Variants in RFX7 observed in about 807,000 individuals in gnomAD.
RFX7 encodes the protein regulatory factor X7.
A neutral mutation model predicts 111.8 loss-of-function variants in RFX7; 26 were observed. The ratio of observed to expected loss-of-function variants is 0.23; its 90% CI spans 0.17 to 0.32. The LOEUF (loss-of-function observed/expected upper bound fraction) is 0.32. RFX7 is among the 10% of genes least tolerant of loss of function. The probability of loss-of-function intolerance (pLI) is 1.00; values close to 1 mark genes in which losing one functional copy is unlikely to be tolerated. For missense variants in RFX7, 1,573 were observed against 1,772.9 expected (o/e 0.89, Z 2.02); for synonymous variants, 624 against 624.4 (o/e 1.00, Z 0.01).
At chr15:56,230,492 T>C (rs1567054353) in intron 2 of RFX7, among the ~76,000 whole-genome samples, 3 of 152,202 alleles carry the variant, frequency 2.0e-5, no homozygotes, top group Non-Finnish European at 4.4e-5. Flanking sequence ...GGGAGAAAAT[T>C]ACCACATTAT....
intron 3 of RFX7, among the ~76,000 whole-genome samples, chr15:56,170,803 G>C (rs1167772117): frequency 1.3e-5 from 2 of 152,160 alleles, no homozygotes; most frequent in Non-Finnish European, 2.9e-5. Context: ...ACCACAGAAA[G>C]TTCCATGGAT....
At chr15:56,182,682 CATTTT>C (rs2042987958) in intron 2 of RFX7, among the ~76,000 whole-genome samples, 2 of 152,214 alleles carry the variant, frequency 1.3e-5, no homozygotes, top group East Asian at 3.9e-4. Context: ...GAAATTCATT[CATTTT>C]AACTACTAAA....
chr15:56,142,875 G>T lies in RFX7; in HGVS notation c.304C>A (p.Arg102=). ...GAAAAGGCATGCATTTGTTGTGCCCGACTAGATGACATGGCATTCTGATCA... is the reference window on the plus strand; with the variant it reads ...GAAAAGGCATGCATTTGTTGTGCCCTACTAGATGACATGGCATTCTGATCA... ...KSDQNAMSSS[R]AQQMHAFSWI... The change falls in exon 5 of 10, where the codon CGG becomes AGG. Residue 102 remains arginine, a synonymous_variant. Transcript: ENST00000559447. The T allele has an allele frequency of 6.2e-7, 1 of 1,613,490 alleles. No homozygotes were observed. Among genetic ancestry groups the T allele is most frequent in the Non-Finnish European group, 8.5e-7 (1 of 1,179,702 alleles).
intron 5 of RFX7, among the ~76,000 whole-genome samples, chr15:56,122,566 G>A (rs1284424980): frequency 2.6e-5 from 4 of 152,150 alleles, no homozygotes; most frequent in Non-Finnish European, 2.9e-5. Context: ...AAGCCCTAGG[G>A]CTCTACAATC....
intron 5 of RFX7, among the ~76,000 whole-genome samples, chr15:56,132,097 C>A (rs1390830358): frequency 6.6e-6 from 1 of 151,916 alleles, no homozygotes; most frequent in South Asian, 2.1e-4. Context: ...TAATGAAGGG[C>A]ATGAAAGAAA....
Position 56,098,263 on chromosome 15 carries a change from G to A in RFX7, c.925C>T (p.Arg309Trp), listed in dbSNP as rs753217039. ...TCTTGCTGCTTCTTCTGGATTTTCC[G>A]TTGCAACTGCTGTTTAGCATCAATT... ...SPIDAKQQLQRKIQKKQQEQK... is the reference protein window; with the variant it reads ...SPIDAKQQLQWKIQKKQQEQK... The change falls in exon 9 of 10, where the codon CGG (arginine) becomes TGG (tryptophan). Residue 309 changes from arginine (R) to tryptophan (W), a missense_variant. By Grantham distance (101) the Arg-to-Trp change is moderately radical. Around this residue, in one of 7 missense-constraint regions of RFX7, gnomAD observed 288 missense variants for 337.9 expected, o/e 0.85. Coordinates refer to ENST00000559447, the MANE Select transcript of RFX7 (RefSeq NM_022841.7). The A allele has an allele frequency of 4.6e-5, 75 of 1,613,892 alleles. No homozygotes were observed. In the East Asian group the frequency reaches 5.8e-4, roughly 12 times the overall value.
chr15:56,154,697 A>G (rs1158368619), intron 3 of RFX7, among the ~76,000 whole-genome samples: 18 of 132,544 alleles, frequency 1.4e-4, no homozygotes, highest in African/African-American at 4.3e-4. Flanking sequence ...AACCTGGGCA[A>G]TAGTATTCAG....
chr15:56,229,834 C>G (rs1292461956), intron 2 of RFX7, among the ~76,000 whole-genome samples: 1 of 152,032 alleles, frequency 6.6e-6, no homozygotes, highest in East Asian at 1.9e-4. Context: ...ACCCCTGCCC[C>G]CCACCCAAAA....
chr15:56,111,677 A>AC (rs1277252987), intron 5 of RFX7, among the ~76,000 whole-genome samples: 63 of 151,206 alleles, frequency 4.2e-4, no homozygotes, highest in African/African-American at 1.3e-3. Context: ...AAAAAAAAAA[A>AC]AAACCAAAAA....
chr15:56,140,340 C>A (rs181799543), intron 5 of RFX7, among the ~76,000 whole-genome samples: 1 of 152,160 alleles, frequency 6.6e-6, no homozygotes, highest in Non-Finnish European at 1.5e-5. Flanking sequence ...TTAAGCCCGT[C>A]GGAAAAGCGC....
intron 2 of RFX7, among the ~76,000 whole-genome samples, chr15:56,231,020 G>A (rs1453200331): frequency 6.6e-6 from 1 of 152,176 alleles, no homozygotes; most frequent in Non-Finnish European, 1.5e-5. Flanking sequence ...TGGAGACAAG[G>A]AAATGATGTA....
intron 3 of RFX7, among the ~76,000 whole-genome samples, chr15:56,175,665 C>T (rs1475263365): frequency 1.3e-5 from 2 of 152,052 alleles, no homozygotes; most frequent in African/African-American, 4.8e-5. Context: ...GGATATCCAT[C>T]CATATTGTAA....
chr15:56,206,911 CA>C (rs200811730), intron 2 of RFX7, among the ~76,000 whole-genome samples: 31 of 144,480 alleles, frequency 2.1e-4, no homozygotes, highest in Middle Eastern at 3.4e-3. Context: ...TTAATAGTTA[CA>C]AAAAAAAAAT....
chr15:56,211,745 T>C (rs775227126), intron 2 of RFX7, among the ~76,000 whole-genome samples: 1 of 152,114 alleles, frequency 6.6e-6, no homozygotes, highest in Non-Finnish European at 1.5e-5. Context: ...TCACCGAAGA[T>C]GTACAGATGG....
Position 56,087,977 on chromosome 15 carries a change from A to T in RFX7, c.*5368T>A, listed in dbSNP as rs767547818. The T allele has an allele frequency of 3.3e-5, 12 of 359,022 alleles. No individual in the cohort carries two copies. Among genetic ancestry groups the T allele is most frequent in the South Asian group, 1.1e-4 (5 of 45,870 alleles). The allele number at this position is 359,022 out of a possible 1,614,324, so 22.2% of individuals were successfully genotyped here. A position where few individuals can be genotyped will look rare whatever the true frequency, so the allele number is the denominator to read the frequency against. On this transcript the variant is annotated 3_prime_UTR_variant, in exon 10 of 10. Transcript: ENST00000559447. ...GTTTTTAAATCTTCATTCTCCTAATACATCAGGGTATTTCTATGGAGAGAA... is the reference window on the plus strand; with the variant it reads ...GTTTTTAAATCTTCATTCTCCTAATTCATCAGGGTATTTCTATGGAGAGAA...
Position 56,105,376 on chromosome 15 carries a change from C to T in RFX7, c.402-1706G>A, listed in dbSNP as rs59990203. On this transcript the variant is annotated intron_variant, in intron 5 of 9. Coordinates refer to ENST00000559447, the MANE Select transcript of RFX7 (RefSeq NM_022841.7). ...GGGCAGTGACCATACCTATTGGATT[C>T]GCCAGTGTATTCTCAGCACTAGGAA... 2.3e-3 allele frequency among the ~76,000 whole-genome samples: 354 copies of T among 152,202 alleles called. 8 individuals are homozygous for T. In the East Asian group the frequency reaches 0.042, roughly 18 times the overall value.
intron 5 of RFX7, among the ~76,000 whole-genome samples, chr15:56,129,363 G>A (rs2140987868): frequency 6.7e-6 from 1 of 148,878 alleles, no homozygotes; most frequent in Non-Finnish European, 1.5e-5. Context: ...TGACAAGAGT[G>A]AGACTCCCCC....
chr15:56,152,704 G>C (rs1297565184), intron 3 of RFX7, among the ~76,000 whole-genome samples: 2 of 149,924 alleles, frequency 1.3e-5, no homozygotes, highest in East Asian at 1.9e-4. Flanking sequence ...ACTAAGATCA[G>C]AGCAGAACTG....
Position 56,159,009 on chromosome 15 carries a change from C to G in RFX7, c.196-14526G>C, listed in dbSNP as rs571319862. Among the ~76,000 whole-genome samples the G allele has an allele frequency of 2.0e-5, 3 of 152,278 alleles. No homozygotes were observed. The East Asian group carries it at 5.8e-4, about 29-fold the overall frequency. On this transcript the variant is annotated intron_variant, in intron 3 of 9. Coordinates refer to ENST00000559447, the MANE Select transcript of RFX7 (RefSeq NM_022841.7). ...CTTCCCATATCCCTCCCTGCCACCTCCCAGTCTCTGGTAAGCATCATTTTA... is the reference window on the plus strand; with the variant it reads ...CTTCCCATATCCCTCCCTGCCACCTGCCAGTCTCTGGTAAGCATCATTTTA...
Sources: gnomAD v4.1 joint callset for allele counts (sites outside exome capture counted in the v4.1 genomes callset) on GRCh38, gnomAD v4.1.1 for gene constraint, gnomAD v4.1.1 regional missense constraint, MANE v1.5 for transcripts, NCBI Gene and HGNC (gene_info 2026-07-23, HGNC 2026-07-21) for gene names.